The following FAM177A1 variants were observed in gnomAD, a reference collection of about 807,000 sequenced individuals.
The protein encoded by FAM177A1 is family with sequence similarity 177 member A1, also known as protein FAM177A1.
FAM177A1 carries 22 observed loss-of-function variants against 26.1 expected under a neutral mutation model. The observed-to-expected ratio is 0.84, with a 90% CI of 0.60 to 1.20. The LOEUF (loss-of-function observed/expected upper bound fraction) is 1.20, where lower values mean the gene tolerates loss of function less well. Ranked by LOEUF, FAM177A1 falls within the 50% of genes most tolerant of loss-of-function variation. The pLI, the probability that FAM177A1 is intolerant of heterozygous loss-of-function variation, is 0.00. For synonymous variants in FAM177A1, 95 were observed against 99.3 expected (o/e 0.96, Z 0.26); for missense variants, 296 against 291.1 (o/e 1.02, Z -0.12).
chr14:35,045,804 T>A (rs2044850932), upstream of FAM177A1, among the ~76,000 whole-genome samples: 1 of 152,252 alleles, frequency 6.6e-6, no homozygotes, highest in South Asian at 2.1e-4. Flanking sequence ...GGAAGCTTAC[T>A]ACTGCCCTTT....
intron 2 of FAM177A1, among the ~76,000 whole-genome samples, chr14:35,056,007 T>C (rs905225996): frequency 1.3e-5 from 2 of 152,128 alleles, no homozygotes; most frequent in African/African-American, 4.8e-5. Flanking sequence ...ATTTGTAATC[T>C]TCCTTTGCTT....
At chr14:35,046,237 G>A (rs1328214619), upstream of FAM177A1, 1 of 409,510 alleles carries the variant, frequency 2.4e-6, no homozygotes, top group Non-Finnish European at 4.2e-6. Flanking sequence ...GCCCCGCCCC[G>A]CCCCGCCCCG....
At chr14:35,050,622 C>T (rs574947267) in intron 1 of FAM177A1, among the ~76,000 whole-genome samples, 1 of 151,054 alleles carries the variant, frequency 6.6e-6, no homozygotes, top group African/African-American at 2.4e-5. Context: ...AGTGAGAAGC[C>T]TCTACTGTCT....
At position 35,071,794 on chromosome 14, in the gene FAM177A1, T is replaced by G. The variant is rs186380577; in HGVS notation, c.340-5356T>G. ...GTTGAACCTTGAACAATGTGAAGTT[T>G]AGGGGTGTGACCCCCCAACTACCCT... On this transcript the variant is annotated intron_variant, in intron 2 of 4. Coordinates refer to ENST00000280987, the MANE Select transcript of FAM177A1 (RefSeq NM_173607.5). Among the ~76,000 whole-genome samples the G allele has an allele frequency of 4.3e-4, 66 of 152,300 alleles. 1 individual carries two copies. The highest frequency in any genetic ancestry group is 1.5e-3 in the African/African-American group (64 of 41,558).
chr14:35,067,383 G>A (rs953605841), intron 2 of FAM177A1, among the ~76,000 whole-genome samples: 1 of 152,160 alleles, frequency 6.6e-6, no homozygotes, highest in Non-Finnish European at 1.5e-5. Flanking sequence ...AGGCTGAATT[G>A]TATTTCATTT....
rs1234524449 is a variant in FAM177A1 at position 35,081,614 on chromosome 14, A to C, written c.*386A>C. On this transcript the variant is annotated 3_prime_UTR_variant, in exon 5 of 5. Transcript: ENST00000280987. ...TGATAATTCCATAGTCTTAGATTAA[A>C]ATGAGGATATTTTCTCCTAGATTTT... is the stretch of plus-strand genomic sequence containing the variant. 6.4e-6 allele frequency: 1 copy of C among 155,402 alleles called. No individual in the cohort carries two copies. Among genetic ancestry groups the C allele is most frequent in the African/African-American group, 2.4e-5 (1 of 41,528 alleles). 9.6% of individuals were successfully genotyped at this position (155,402 alleles called of 1,614,324 possible). A position where few individuals can be genotyped will look rare whatever the true frequency, so the allele number is the denominator to read the frequency against.
intron 1 of FAM177A1, among the ~76,000 whole-genome samples, chr14:35,052,496 C>T (rs1214951579): frequency 1.3e-5 from 2 of 151,774 alleles, no homozygotes; most frequent in Non-Finnish European, 2.9e-5. Context: ...GGTATGAGCC[C>T]GCGCCTGGCC....
chr14:35,047,602 A>G lies in FAM177A1; in HGVS notation c.165+974A>G, dbSNP rs555708709. 9.8e-4 allele frequency among the ~76,000 whole-genome samples: 150 copies of G among 152,318 alleles called. 1 individual carries two copies. The highest frequency in any genetic ancestry group is 2.8e-3 in the African/African-American group (116 of 41,574). On this transcript the variant is annotated intron_variant, in intron 1 of 4. Coordinates refer to ENST00000280987, the MANE Select transcript of FAM177A1 (RefSeq NM_173607.5). ...CTTCTCTACTAAAAATACAAAAATT[A>G]GCTGGGCGTGGTGGCGCTCGCCTGT...
At chr14:35,059,348 TA>T (rs1293764466) in intron 2 of FAM177A1, among the ~76,000 whole-genome samples, 1 of 152,190 alleles carries the variant, frequency 6.6e-6, no homozygotes, top group African/African-American at 2.4e-5. Context: ...TTGTTTTTTT[TA>T]ATCCAATCTA....
intron 2 of FAM177A1, among the ~76,000 whole-genome samples, chr14:35,061,982 A>G (rs961949620): frequency 5.9e-5 from 9 of 152,004 alleles, no homozygotes; most frequent in Non-Finnish European, 1.2e-4. Flanking sequence ...TCAGTAATAG[A>G]TGAGAAGTGC....
intron 2 of FAM177A1, among the ~76,000 whole-genome samples, chr14:35,066,723 G>A (rs1294971229): frequency 6.6e-6 from 1 of 151,884 alleles, no homozygotes; most frequent in Non-Finnish European, 1.5e-5. Context: ...GCATCTTGAT[G>A]CCAACTTGAT....
chr14:35,080,488 TGGA>T (rs983366093), intron 4 of FAM177A1, among the ~76,000 whole-genome samples: 16 of 152,306 alleles, frequency 1.1e-4, no homozygotes, highest in Non-Finnish European at 1.9e-4. Flanking sequence ...GATGTAGTGC[TGGA>T]CCCTGTTTTA....
At chr14:35,061,262 A>G (rs799472) in intron 2 of FAM177A1, among the ~76,000 whole-genome samples, 31,784 of 151,766 alleles carry the variant, frequency 0.21, 4,020 homozygotes, top group Non-Finnish European at 0.29. Flanking sequence ...TCCTTTGGGA[A>G]GAGATTAGGA....
At chr14:35,046,254 C>A, upstream of FAM177A1, 1 of 458,278 alleles carries the variant, frequency 2.2e-6, no homozygotes, top group Non-Finnish European at 3.7e-6. Flanking sequence ...CCCGCGCGAG[C>A]CGGTAGTTGC....
At position 35,046,553 on chromosome 14, in the gene FAM177A1, C is replaced by T. The variant is rs2044867296; in HGVS notation, c.90C>T (p.Gly30=). 6.3e-7 allele frequency: 1 copy of T among 1,592,942 alleles called. No individual in the cohort carries two copies. Among genetic ancestry groups the T allele is most frequent in the African/African-American group, 1.3e-5 (1 of 74,268 alleles). ...CGACGATGGACCAGGAGCCAGTGGG[C>T]GGTGTGGAACGAGGAGAAGCCGTCG... ...VATTMDQEPV[G]GVERGEAVAA... is the part of the protein sequence containing the mutation. The change falls in exon 1 of 5, where the codon GGC becomes GGT. Residue 30 remains glycine (G), a synonymous_variant. Transcript: ENST00000280987.
chr14:35,065,124 A>G (rs923131062), intron 2 of FAM177A1, among the ~76,000 whole-genome samples: 3 of 151,320 alleles, frequency 2.0e-5, no homozygotes, highest in Non-Finnish European at 2.9e-5. Context: ...CATAAAGTAA[A>G]CTTGCTGGTG....
intron 1 of FAM177A1, among the ~76,000 whole-genome samples, chr14:35,051,264 T>G (rs1202677878): frequency 6.6e-6 from 1 of 151,550 alleles, no homozygotes; most frequent in Non-Finnish European, 1.5e-5. Context: ...GGACTACAGG[T>G]GCGTGCCACC....
At chr14:35,053,513 TA>T in intron 2 of FAM177A1, 62 bp downstream of exon 2, 1 of 1,540,440 alleles carries the variant, frequency 6.5e-7, no homozygotes, top group Non-Finnish European at 8.9e-7. Context: ...TTTTTTTCCC[TA>T]AACATTGAGT....
intron 2 of FAM177A1, among the ~76,000 whole-genome samples, chr14:35,054,408 C>G (rs2045027165): frequency 6.6e-6 from 1 of 152,076 alleles, no homozygotes; most frequent in Admixed American, 6.6e-5. Flanking sequence ...AAATGCCCTT[C>G]AAGTAATTAT....
Sources: allele counts gnomAD v4.1 joint callset (sites outside exome capture counted in the v4.1 genomes callset), GRCh38; gene constraint gnomAD v4.1.1; transcripts MANE v1.5; gene names NCBI Gene and HGNC (gene_info 2026-07-23, HGNC 2026-07-21).